Variants in SNURF observed in about 807,000 individuals in gnomAD.
SNURF encodes the protein SNRPN upstream open reading frame.
A neutral mutation model predicts 11.6 loss-of-function variants in SNURF; 6 were observed. The observed-to-expected ratio is 0.52, with a 90% CI of 0.28 to 1.02. The LOEUF (loss-of-function observed/expected upper bound fraction) is 1.02. Ranked by LOEUF, SNURF falls within the 50% of genes least tolerant of loss-of-function variation. The probability of loss-of-function intolerance (pLI) is 0.09; values close to 1 mark genes in which losing one functional copy is unlikely to be tolerated. For synonymous variants in SNURF, 29 were observed against 31.6 expected, an observed-to-expected ratio of 0.92 and a Z score of 0.27; for missense variants, 84 against 88.4, an observed-to-expected ratio of 0.95 and a Z score of 0.20.
chr15:24,974,391 C>T, intron 3 of SNURF: 1 of 1,523,562 alleles, frequency 6.6e-7, no homozygotes, highest in Admixed American at 1.7e-5. Context: ...CTATAGCCTT[C>T]CCCTAGGTCT....
At position 24,976,193 on chromosome 15, in the gene SNURF, C is replaced by G. The variant is rs923163646; in HGVS notation, c.*198-112C>G. 8.5e-6 allele frequency: 7 copies of G among 818,902 alleles called. No homozygotes were observed. In the Admixed American group the frequency reaches 1.5e-4, roughly 18 times the overall value. The allele number at this position is 818,902 out of a possible 1,614,324, so 50.7% of individuals were successfully genotyped here. ...TTTGGCTTGTTTTTCAGTGATAACTCAGTAAATGTTTAGCATCAGTTGTCT... is the reference window on the plus strand; with the variant it reads ...TTTGGCTTGTTTTTCAGTGATAACTGAGTAAATGTTTAGCATCAGTTGTCT... On this transcript the variant is annotated intron_variant and NMD_transcript_variant, in intron 4 of 6. Coordinates refer to the SNURF transcript ENST00000580062.
intron 5 of SNURF, chr15:24,976,766 A>C: frequency 1.1e-6 from 1 of 937,816 alleles, no homozygotes; most frequent in Non-Finnish European, 1.7e-6. Context: ...CACAGAACTA[A>C]TATGAGATAG....
chr15:24,972,739 T>G (rs1233907446), downstream of SNURF, among the ~76,000 whole-genome samples: 2 of 152,156 alleles, frequency 1.3e-5, no homozygotes, highest in Non-Finnish European at 2.9e-5. Flanking sequence ...TAATAGCATT[T>G]TATAAATAAT....
chr15:24,957,207 C>T (rs923865214), intron 1 of SNURF, among the ~76,000 whole-genome samples: 3 of 152,090 alleles, frequency 2.0e-5, no homozygotes, highest in African/African-American at 7.2e-5. Context: ...GCATACTTTC[C>T]TTAAATGGGT....
intron 4 of SNURF, chr15:24,975,643 C>T (rs1005864870): frequency 1.0e-5 from 7 of 696,498 alleles, no homozygotes; most frequent in Middle Eastern, 8.3e-4. Flanking sequence ...ATTGTTTAAC[C>T]TCTTGACCTG....
At chr15:24,969,133 AATTT>A (rs1479418436), downstream of SNURF, among the ~76,000 whole-genome samples, 2 of 151,684 alleles carry the variant, frequency 1.3e-5, no homozygotes, top group Non-Finnish European at 2.9e-5. Flanking sequence ...GTTATTAATT[AATTT>A]ATTTATTTAG....
intron 1 of SNURF, among the ~76,000 whole-genome samples, chr15:24,961,248 A>C (rs2074757143): frequency 6.6e-6 from 1 of 152,232 alleles, no homozygotes; most frequent in East Asian, 1.9e-4. Context: ...TTGAAAGAAT[A>C]AAACAGCTGT....
downstream of SNURF, among the ~76,000 whole-genome samples, chr15:24,969,855 A>G (rs1344625012): frequency 3.3e-5 from 5 of 152,208 alleles, no homozygotes; most frequent in Non-Finnish European, 5.9e-5. Flanking sequence ...TTTTATTGGA[A>G]CACAACTCAG....
At chr15:24,955,817 C>A (rs937894187) in intron 1 of SNURF, among the ~76,000 whole-genome samples, 1 of 149,928 alleles carries the variant, frequency 6.7e-6, no homozygotes. Context: ...TGGACTTTGG[C>A]GGCGGTAGGC....
At chr15:24,957,912 T>C (rs1447086140) in intron 1 of SNURF, among the ~76,000 whole-genome samples, 1 of 152,130 alleles carries the variant, frequency 6.6e-6, no homozygotes, top group Non-Finnish European at 1.5e-5. Flanking sequence ...CTCTTGAAGT[T>C]TCAAGGTCTG....
At chr15:24,974,953 CTCAGG>C (rs1275513254) in intron 3 of SNURF, 1 of 702,918 alleles carries the variant, frequency 1.4e-6, no homozygotes, top group South Asian at 1.5e-5. Flanking sequence ...ATGATGGACT[CTCAGG>C]TCAGATTACA....
At chr15:24,972,030 C>G (rs1428640178), downstream of SNURF, among the ~76,000 whole-genome samples, 1 of 152,032 alleles carries the variant, frequency 6.6e-6, no homozygotes, top group Admixed American at 6.6e-5. Flanking sequence ...CTGAGGCCGG[C>G]AGGTCACCTG....
downstream of SNURF, chr15:24,968,764 T>G (rs2076022286): frequency 6.6e-6 from 1 of 152,186 alleles, no homozygotes; most frequent in African/African-American, 2.4e-5. Flanking sequence ...TTTTCTGTTT[T>G]AACCAATGTA....
chr15:24,968,894 A>C (rs2076037085), downstream of SNURF: 2 of 152,246 alleles, frequency 1.3e-5, no homozygotes, highest in Middle Eastern at 3.4e-3. Context: ...GTTATTACAA[A>C]GTCGATTTTG....
At chr15:24,976,733 A>G (rs2153703089) in intron 5 of SNURF, 2 of 727,392 alleles carry the variant, frequency 2.7e-6, no homozygotes, top group East Asian at 5.2e-5. Flanking sequence ...TCCATGGTAT[A>G]CTTGCTTGTT....
intron 3 of SNURF, chr15:24,974,337 C>T (rs1359902221): frequency 3.3e-6 from 3 of 908,244 alleles, no homozygotes; most frequent in Non-Finnish European, 5.6e-6. Flanking sequence ...GAAGCTTCTG[C>T]CCAGCTTGCA....
chr15:24,978,186 A>T (rs746246956), downstream of SNURF: 1 of 1,609,632 alleles, frequency 6.2e-7, no homozygotes, highest in Non-Finnish European at 8.5e-7. Context: ...ACCATTTTTC[A>T]CTGTAGGCAT....
chr15:24,969,704 A>C (rs188725336), downstream of SNURF, among the ~76,000 whole-genome samples: 15 of 152,328 alleles, frequency 9.8e-5, no homozygotes, highest in Admixed American at 5.2e-4. Flanking sequence ...TGCAAGTAGG[A>C]CCATCTAATT....
chr15:24,967,419 C>T (rs1350707236), intron 2 of SNURF, among the ~76,000 whole-genome samples: 1 of 152,018 alleles, frequency 6.6e-6, no homozygotes, highest in African/African-American at 2.4e-5. Flanking sequence ...GTGGGTGGAT[C>T]ACCTGAGGTC....
Sources: allele counts gnomAD v4.1 joint callset (sites outside exome capture counted in the v4.1 genomes callset), GRCh38; gene constraint gnomAD v4.1.1; transcripts MANE v1.5; gene names NCBI Gene and HGNC (gene_info 2026-07-23, HGNC 2026-07-21).